The following OLFM1 variants were observed in gnomAD, a reference collection of about 807,000 sequenced individuals.
OLFM1 encodes the protein olfactomedin 1, also known as noelin.
OLFM1 carries 9 observed loss-of-function variants against 49.7 expected under a neutral mutation model. That is an observed-to-expected ratio of 0.18 (90% CI 0.11 to 0.32). OLFM1 has a LOEUF of 0.32. Among genes scored for constraint, OLFM1 ranks in the 10% least tolerant of loss-of-function variants. OLFM1 has a pLI of 1.00. For missense variants in OLFM1, 369 were observed against 661.8 expected (o/e 0.56, Z 4.85); for synonymous variants, 240 against 271.8 (o/e 0.88, Z 1.15).
At chr9:135,086,774 C>T, upstream of OLFM1, 3 of 451,840 alleles carry the variant, frequency 6.6e-6, no homozygotes, top group Middle Eastern at 5.5e-4. Flanking sequence ...GCAGCGTGCG[C>T]CACTTGCCCT....
intron 2 of OLFM1, among the ~76,000 whole-genome samples, chr9:135,093,837 G>T (rs1222913168): frequency 6.6e-6 from 1 of 152,256 alleles, no homozygotes; most frequent in African/African-American, 2.4e-5. Context: ...CCTGTGCCTT[G>T]TCCATGGCCA....
At position 135,088,020 on chromosome 9, in the gene OLFM1, G is replaced by A; in HGVS notation, c.31G>A (p.Val11Met). The change falls in exon 1 of 6, where the codon GTG becomes ATG. Residue 11 changes from valine to methionine, a missense_variant. Coordinates refer to ENST00000371793, the MANE Select transcript of OLFM1 (RefSeq NM_001282611.2). This position sits in a 1 kb window ranked among gnomAD's most constrained non-coding sequence, Gnocchi z 4.8. The stretch of plus-strand genomic sequence containing the variant: ...GGTGCCGCTGCTCAAGATCGGGGTC[G>A]TGCTGAGCACCATGGCCATGATCAC... MSVPLLKIGV[V>M]LSTMAMITNW... 6.9e-7 allele frequency: 1 copy of A among 1,458,722 alleles called. No individual in the cohort carries two copies. 90.4% of individuals were successfully genotyped at this position (1,458,722 alleles called of 1,614,324 possible). A position where few individuals can be genotyped will look rare whatever the true frequency, so the allele number is the denominator to read the frequency against.
At chr9:135,110,384 C>T (rs1299141372) in intron 5 of OLFM1, among the ~76,000 whole-genome samples, 9 of 152,192 alleles carry the variant, frequency 5.9e-5, no homozygotes. Flanking sequence ...GCGCTACTCC[C>T]ACCACCCCAG....
chr9:135,106,820 A>G lies in OLFM1; in HGVS notation c.748A>G (p.Met250Val). 1.2e-6 allele frequency: 2 copies of G among 1,612,994 alleles called. No homozygotes were observed. Among genetic ancestry groups the G allele is most frequent in the Non-Finnish European group, 1.7e-6 (2 of 1,179,620 alleles). Reference sequence around the variant, plus strand: ...CTCCGGCTCGAGGTTCGGATCCTGGATGACAGACCCTCTCGCCCCTGAAGG... The same window carrying G: ...CTCCGGCTCGAGGTTCGGATCCTGGGTGACAGACCCTCTCGCCCCTGAAGG... ...KTSGSRFGSW[M>V]TDPLAPEGDN... Residue 250 changes from methionine to valine, a missense_variant, in exon 5 of 6, where the codon ATG (methionine) becomes GTG (valine). By Grantham distance (21) the Met-to-Val change is conservative (BLOSUM62 1). Around this residue, in one of 3 missense-constraint regions of OLFM1, gnomAD observed 294 missense variants for 567.5 expected, o/e 0.52. Transcript: ENST00000371793.
At chr9:135,079,222 G>A (rs1333171860) in intron 1 of OLFM1, among the ~76,000 whole-genome samples, 1 of 152,148 alleles carries the variant, frequency 6.6e-6, no homozygotes, top group Admixed American at 6.5e-5. Context: ...GTAGGAGTTG[G>A]GGAGTGAGTT....
intron 5 of OLFM1, among the ~76,000 whole-genome samples, chr9:135,107,398 A>G (rs913704660): frequency 2.6e-5 from 4 of 152,332 alleles, no homozygotes; most frequent in African/African-American, 9.6e-5. Context: ...GTGAAACCTC[A>G]GAAGAGGAGA....
At chr9:135,105,907 C>G (rs571017987) in intron 4 of OLFM1, 4 of 152,280 alleles carry the variant, frequency 2.6e-5, no homozygotes, top group African/African-American at 9.6e-5. Context: ...TGCGTGGCTG[C>G]GCAGACACAC....
chr9:135,075,840 G>A (rs368413177), intron 1 of OLFM1: 16 of 1,544,136 alleles, frequency 1.0e-5, no homozygotes, highest in Middle Eastern at 1.7e-4. Flanking sequence ...CCTGCCAGGC[G>A]CCCGGCCCGG....
Position 135,119,791 on chromosome 9 carries a change from C to T in OLFM1, c.1071C>T (p.Leu357=), listed in dbSNP as rs1221456701. Reference sequence around the variant, plus strand: ...GGGGTGGCCACTCGGACATCGACCTCATGGTGGACGAGAGCGGGCTGTGGG... The same window carrying T: ...GGGGTGGCCACTCGGACATCGACCTTATGGTGGACGAGAGCGGGCTGTGGG... ...YAWGGHSDID[L]MVDESGLWAV... The change falls in exon 6 of 6, where the codon CTC becomes CTT. Residue 357 remains leucine (L), a synonymous_variant. Coordinates refer to ENST00000371793, the MANE Select transcript of OLFM1 (RefSeq NM_001282611.2). 6.2e-7 allele frequency: 1 copy of T among 1,613,996 alleles called. No homozygotes were observed.
intron 5 of OLFM1, among the ~76,000 whole-genome samples, chr9:135,115,532 C>A (rs11789501): frequency 0.16 from 23,943 of 152,268 alleles, 2,175 homozygotes; most frequent in African/African-American, 0.24. Context: ...TCAGCCTCAC[C>A]CACTGACGTG....
At chr9:135,081,084 C>T (rs892470189) in intron 1 of OLFM1, among the ~76,000 whole-genome samples, 3 of 152,120 alleles carry the variant, frequency 2.0e-5, no homozygotes, top group Non-Finnish European at 2.9e-5. Context: ...CCGCATGTCA[C>T]GAGTGTAAAC....
chr9:135,076,994 C>T (rs1432180634), intron 1 of OLFM1: 9 of 1,550,630 alleles, frequency 5.8e-6, no homozygotes, highest in Middle Eastern at 1.7e-4. Flanking sequence ...GTCCCGCTTA[C>T]CCTCAGAGCC....
Position 135,119,976 on chromosome 9 carries a change from CA to C in OLFM1, c.1257del (p.Gly421ValfsTer54). 6.2e-7 allele frequency: 1 copy of C among 1,613,730 alleles called. No homozygotes were observed. Among genetic ancestry groups the C allele is most frequent in the Non-Finnish European group, 8.5e-7 (1 of 1,180,030 alleles). On this transcript the variant is annotated frameshift_variant, in exon 6 of 6. Transcript: ENST00000371793. LOFTEE classifies it high-confidence loss of function. Reference sequence around the variant, plus strand: ...ACGCTGTACGTCACCAACGGCTACTCAGGGGGTACCAAGGTCCACTATGCAT... The same window carrying C: ...ACGCTGTACGTCACCAACGGCTACTCGGGGGTACCAAGGTCCACTATGCAT... ...CGTLYVTNGY[S>X]GGTKVHYAYQ...
chr9:135,087,362 C>T (rs1011762698), upstream of OLFM1: 1 of 1,545,832 alleles, frequency 6.5e-7, no homozygotes, highest in African/African-American at 1.4e-5. Flanking sequence ...AGAGGGATGC[C>T]CCGGCGTGAG....
intron 1 of OLFM1, among the ~76,000 whole-genome samples, chr9:135,081,306 G>A (rs1426322859): frequency 4.6e-5 from 7 of 152,202 alleles, no homozygotes; most frequent in East Asian, 1.9e-4. Context: ...GAAAAACAGC[G>A]CAGTGTCACC....
chr9:135,087,476 TCTC>T (rs979938469), upstream of OLFM1: 4 of 1,508,814 alleles, frequency 2.7e-6, no homozygotes, highest in Admixed American at 4.3e-5. Context: ...GGTGTGTCCG[TCTC>T]CTCATGTCAC....
At chr9:135,108,492 G>T (rs532389694) in intron 5 of OLFM1, among the ~76,000 whole-genome samples, 14 of 152,148 alleles carry the variant, frequency 9.2e-5, no homozygotes, top group African/African-American at 3.4e-4. Context: ...AATTAGCCAG[G>T]CGTGGTGGCG....
upstream of OLFM1, among the ~76,000 whole-genome samples, chr9:135,084,482 C>T (rs1361750352): frequency 7.0e-6 from 1 of 142,770 alleles, no homozygotes; most frequent in Non-Finnish European, 1.6e-5. The surrounding 1 kb of genome is among the most constrained non-coding windows in gnomAD (Gnocchi z 4.6). Flanking sequence ...TCTCTCCTCT[C>T]TCTGTTTCTC....
chr9:135,116,595 G>C (rs1831099587), intron 5 of OLFM1, among the ~76,000 whole-genome samples: 1 of 152,132 alleles, frequency 6.6e-6, no homozygotes, highest in African/African-American at 2.4e-5. Context: ...AAGGTGTTCT[G>C]TGTGCTGCGA....
Sources: allele counts gnomAD v4.1 joint callset (sites outside exome capture counted in the v4.1 genomes callset), GRCh38; gene constraint gnomAD v4.1.1; regional missense constraint gnomAD v4.1.1; non-coding constraint Gnocchi (gnomAD v3.1); transcripts MANE v1.5; gene names NCBI Gene and HGNC (gene_info 2026-07-23, HGNC 2026-07-21).